TRIM5: variants seen among roughly 807,000 people sequenced by gnomAD.
TRIM5 encodes the protein tripartite motif-containing protein 5.
In TRIM5, 31 loss-of-function variants were observed where a neutral mutation model predicts 35.6. That is an observed-to-expected ratio of 0.87 (90% CI 0.65 to 1.18). The LOEUF (loss-of-function observed/expected upper bound fraction) is 1.18, where lower values mean the gene tolerates loss of function less well. Among genes scored for constraint, TRIM5 ranks in the 50% most tolerant of loss-of-function variants. The pLI is 0.00. For missense variants in TRIM5, 609 were observed against 591.6 expected (o/e 1.03, Z -0.31); for synonymous variants, 243 against 215.6 (o/e 1.13, Z -1.11).
chr11:5,623,925 G>A, the TRIM5 span, among the ~76,000 whole-genome samples: 2 of 152,144 alleles, frequency 1.3e-5, no homozygotes, highest in Non-Finnish European at 2.9e-5. Context: ...CTTTTATTAT[G>A]TAATGTGCTC....
chr11:5,643,190 T>C, the TRIM5 span: 1 of 1,602,922 alleles, frequency 6.2e-7, no homozygotes. Context: ...ATCTTGTCCT[T>C]TCAGAAGATC....
chr11:5,626,114 G>A, the TRIM5 span, among the ~76,000 whole-genome samples: 1 of 152,132 alleles, frequency 6.6e-6, no homozygotes, highest in Non-Finnish European at 1.5e-5. Context: ...CTTACTCCTG[G>A]GTAGAATCCA....
At chr11:5,662,957 T>C (rs35253098), downstream of TRIM5, among the ~76,000 whole-genome samples, 18,472 of 152,026 alleles carry the variant, frequency 0.12, 1,256 homozygotes, top group African/African-American at 0.17. Context: ...AGTGAAACCC[T>C]GTCTCTACCA....
chr11:5,609,875 A>T, the TRIM5 span, among the ~76,000 whole-genome samples: 1 of 152,154 alleles, frequency 6.6e-6, no homozygotes, highest in Non-Finnish European at 1.5e-5. Context: ...GTGAGCCGAG[A>T]TCGTGCCACT....
At chr11:5,596,897 G>C in the TRIM5 span, 1 of 1,614,086 alleles carries the variant, frequency 6.2e-7, no homozygotes, top group Non-Finnish European at 8.5e-7. Flanking sequence ...TCATTCCCCA[G>C]ATGTGCGGGT....
At chr11:5,657,638 T>A in the TRIM5 span, among the ~76,000 whole-genome samples, 3 of 123,214 alleles carry the variant, frequency 2.4e-5, no homozygotes, top group African/African-American at 6.5e-5. Flanking sequence ...ATTATATATA[T>A]TATTTATATA....
the TRIM5 span, among the ~76,000 whole-genome samples, chr11:5,654,478 T>C: frequency 6.6e-6 from 1 of 152,134 alleles, no homozygotes; most frequent in Non-Finnish European, 1.5e-5. Flanking sequence ...GTGGAGGCTA[T>C]GGTAAGGCTT....
chr11:5,596,749 G>A, the TRIM5 span: 1 of 1,241,242 alleles, frequency 8.1e-7, no homozygotes, highest in Non-Finnish European at 1.2e-6. Flanking sequence ...ACGGAACGGA[G>A]CAGAGTCGTG....
the TRIM5 span, among the ~76,000 whole-genome samples, chr11:5,621,377 C>T: frequency 6.6e-6 from 1 of 152,164 alleles, no homozygotes. Flanking sequence ...TGTAAACAAG[C>T]CTTGAGGATA....
chr11:5,643,454 T>G, the TRIM5 span: 68,605 of 1,614,122 alleles, frequency 0.043, 1,904 homozygotes, highest in African/African-American at 0.1. Flanking sequence ...GGTTACAGAA[T>G]AAATGTAAGT....
the TRIM5 span, chr11:5,644,323 C>CT: frequency 2.5e-6 from 1 of 398,470 alleles, no homozygotes; most frequent in Non-Finnish European, 4.4e-6. Context: ...CTGTGTAAAA[C>CT]TAAGTGTCTC....
chr11:5,634,120 G>A, the TRIM5 span, among the ~76,000 whole-genome samples: 1 of 152,172 alleles, frequency 6.6e-6, no homozygotes, highest in African/African-American at 2.4e-5. Flanking sequence ...ACTCTATGAT[G>A]AGGAAGGCTA....
At chr11:5,620,327 G>A in the TRIM5 span, among the ~76,000 whole-genome samples, 1 of 151,586 alleles carries the variant, frequency 6.6e-6, no homozygotes, top group Admixed American at 6.6e-5. Flanking sequence ...ACAGGCGCGC[G>A]CCACTGCACC....
At chr11:5,644,751 A>G in the TRIM5 span, among the ~76,000 whole-genome samples, 2 of 152,180 alleles carry the variant, frequency 1.3e-5, no homozygotes, top group Non-Finnish European at 2.9e-5. Flanking sequence ...TAGACAATAC[A>G]ATATTAACTA....
chr11:5,604,123 T>C, the TRIM5 span, among the ~76,000 whole-genome samples: 1 of 152,134 alleles, frequency 6.6e-6, no homozygotes, highest in Non-Finnish European at 1.5e-5. Flanking sequence ...GCCTCCCAAG[T>C]AGCTAGGACT....
chr11:5,604,391 T>G, the TRIM5 span: 1 of 813,822 alleles, frequency 1.2e-6, no homozygotes, highest in Non-Finnish European at 1.8e-6. Context: ...ATATAAAAGA[T>G]TTGTTGGCCC....
chr11:5,595,637 T>C, the TRIM5 span, among the ~76,000 whole-genome samples: 1 of 152,208 alleles, frequency 6.6e-6, no homozygotes, highest in Non-Finnish European at 1.5e-5. Context: ...AAGGGTCATC[T>C]CTGGCCTGGT....
chr11:5,656,027 A>G, the TRIM5 span, among the ~76,000 whole-genome samples: 1 of 152,216 alleles, frequency 6.6e-6, no homozygotes, highest in Non-Finnish European at 1.5e-5. Flanking sequence ...AGACTTAAAC[A>G]TAAGACCTAA....
the TRIM5 span, chr11:5,590,959 T>C: frequency 1 from 175,763 of 176,122 alleles, 87,704 homozygotes; most frequent in Middle Eastern, 1. Flanking sequence ...ATACTCACCG[T>C]GAGGGTCCGC....
Sources: gnomAD v4.1 joint callset for allele counts (sites outside exome capture counted in the v4.1 genomes callset) on GRCh38, gnomAD v4.1.1 for gene constraint, MANE v1.5 for transcripts, NCBI Gene and HGNC (gene_info 2026-07-23, HGNC 2026-07-21) for gene names.